Variants in SLC14A2 observed in about 807,000 individuals in gnomAD.
SLC14A2 encodes the protein solute carrier family 14 member 2.
A neutral mutation model predicts 104.6 loss-of-function variants in SLC14A2; 91 were observed. That is an observed-to-expected ratio of 0.87 (90% confidence interval 0.73 to 1.04). SLC14A2 has a LOEUF of 1.04. Among genes scored for constraint, SLC14A2 ranks in the 50% least tolerant of loss-of-function variants. SLC14A2 has a pLI of 0.00. For synonymous variants in SLC14A2, 476 were observed against 466.4 expected, an observed-to-expected ratio of 1.02 and a Z score of -0.27; for missense variants, 1,189 against 1,156.0, an observed-to-expected ratio of 1.03 and a Z score of -0.41.
intron 1 of SLC14A2, among the ~76,000 whole-genome samples, chr18:45,302,142 A>G (rs2084974597): frequency 6.6e-6 from 1 of 152,238 alleles, no homozygotes; most frequent in South Asian, 2.1e-4. Context: ...GGAAGAGGCC[A>G]TGCCTGATGC....
intron 1 of SLC14A2, among the ~76,000 whole-genome samples, chr18:45,424,575 T>C (rs1182856077): frequency 6.6e-6 from 1 of 152,200 alleles, no homozygotes; most frequent in East Asian, 1.9e-4. Flanking sequence ...CAGGCATGAG[T>C]AGGTGGACAC....
chr18:45,454,848 G>C (rs1480059813), intron 1 of SLC14A2, among the ~76,000 whole-genome samples: 4 of 152,132 alleles, frequency 2.6e-5, no homozygotes, highest in African/African-American at 9.7e-5. Flanking sequence ...CCTCTGTTGT[G>C]TTCCATTGGT....
At chr18:45,568,414 T>C (rs1429978125) in intron 2 of SLC14A2, among the ~76,000 whole-genome samples, 1 of 152,244 alleles carries the variant, frequency 6.6e-6, no homozygotes, top group Non-Finnish European at 1.5e-5. Context: ...GCTGTCTAGC[T>C]GGAGGAGTTC....
chr18:45,534,048 A>C (rs2043741894), intron 2 of SLC14A2, among the ~76,000 whole-genome samples: 1 of 152,230 alleles, frequency 6.6e-6, no homozygotes, highest in South Asian at 2.1e-4. Flanking sequence ...GAGCTGTCCC[A>C]GTTCTTAAGC....
At chr18:45,648,513 G>C (rs1158721079) in intron 10 of SLC14A2, among the ~76,000 whole-genome samples, 1 of 152,080 alleles carries the variant, frequency 6.6e-6, no homozygotes, top group Non-Finnish European at 1.5e-5. Flanking sequence ...CCTAGTTAAT[G>C]CTTTTAACCA....
At chr18:45,389,339 T>G (rs1169702528) in intron 1 of SLC14A2, among the ~76,000 whole-genome samples, 1 of 152,274 alleles carries the variant, frequency 6.6e-6, no homozygotes, top group Non-Finnish European at 1.5e-5. Context: ...AGAATCCATC[T>G]ACATCATTTT....
chr18:45,363,334 G>C (rs1290614188), intron 1 of SLC14A2, among the ~76,000 whole-genome samples: 2 of 151,958 alleles, frequency 1.3e-5, no homozygotes, highest in African/African-American at 4.8e-5. Flanking sequence ...TCTAATAATT[G>C]TATCTATGGG....
the SLC14A2 span, among the ~76,000 whole-genome samples, chr18:45,197,150 T>G: frequency 6.6e-6 from 1 of 152,236 alleles, no homozygotes; most frequent in Non-Finnish European, 1.5e-5. Context: ...CAGCCTATTG[T>G]GCATTCCAAC....
chr18:45,679,451 A>T (rs1359333000), intron 19 of SLC14A2, among the ~76,000 whole-genome samples: 1 of 152,218 alleles, frequency 6.6e-6, no homozygotes, highest in African/African-American at 2.4e-5. Context: ...CAACCAGGCG[A>T]GACAGAAGCC....
intron 1 of SLC14A2, among the ~76,000 whole-genome samples, chr18:45,241,639 CTTTTT>C (rs370878349): frequency 8.5e-6 from 1 of 118,042 alleles, no homozygotes; most frequent in Non-Finnish European, 1.7e-5. Context: ...TTTCTTTTCT[CTTTTT>C]TTTTTTTTTT....
the SLC14A2 span, among the ~76,000 whole-genome samples, chr18:45,185,559 A>G: frequency 1.3e-5 from 2 of 152,190 alleles, no homozygotes; most frequent in Non-Finnish European, 2.9e-5. Flanking sequence ...TGAACCATAG[A>G]ATGTTATCTC....
intron 1 of SLC14A2, among the ~76,000 whole-genome samples, chr18:45,315,022 A>G (rs548439154): frequency 6.6e-6 from 1 of 152,318 alleles, no homozygotes; most frequent in Admixed American, 6.5e-5. Flanking sequence ...AGGTTAGTCT[A>G]CAAATGCTGG....
At chr18:45,424,138 T>C (rs565835673) in intron 1 of SLC14A2, 4 of 152,318 alleles carry the variant, frequency 2.6e-5, no homozygotes, top group African/African-American at 4.8e-5. Flanking sequence ...CTAGCTGAAT[T>C]CTGGGAAGAT....
At chr18:45,673,941 C>A in intron 18 of SLC14A2, 124 bp downstream of exon 18, 2 of 988,964 alleles carry the variant, frequency 2.0e-6, no homozygotes, top group Non-Finnish European at 3.0e-6. Context: ...ACTGAATACT[C>A]AACGTTCAGT....
At chr18:45,523,545 C>A (rs943272257) in intron 2 of SLC14A2, among the ~76,000 whole-genome samples, 1 of 148,850 alleles carries the variant, frequency 6.7e-6, no homozygotes, top group African/African-American at 2.5e-5. Flanking sequence ...CCATGTTGGC[C>A]AAGATGGTCT....
intron 1 of SLC14A2, among the ~76,000 whole-genome samples, chr18:45,426,798 G>T (rs1440753599): frequency 6.6e-6 from 1 of 151,694 alleles, no homozygotes; most frequent in Admixed American, 6.6e-5. Flanking sequence ...GAGAAGCAGA[G>T]TATTGTCCCA....
chr18:45,624,031 C>T (rs552641524), intron 1 of SLC14A2, among the ~76,000 whole-genome samples: 6 of 152,180 alleles, frequency 3.9e-5, no homozygotes, highest in African/African-American at 9.6e-5. Flanking sequence ...CCTGGTGGTA[C>T]GGGGACAGGA....
intron 1 of SLC14A2, among the ~76,000 whole-genome samples, chr18:45,261,544 G>A (rs1285453915): frequency 6.6e-6 from 1 of 151,514 alleles, no homozygotes; most frequent in African/African-American, 2.4e-5. Flanking sequence ...ATCTCCTAAT[G>A]CTATCCCTCC....
At chr18:45,241,395 C>T (rs189326447) in intron 1 of SLC14A2, among the ~76,000 whole-genome samples, 5 of 152,108 alleles carry the variant, frequency 3.3e-5, no homozygotes, top group African/African-American at 1.2e-4. Flanking sequence ...ATGCTGAGGG[C>T]CTGAATCAGG....
Sources: allele counts gnomAD v4.1 joint callset (sites outside exome capture counted in the v4.1 genomes callset), GRCh38; gene constraint gnomAD v4.1.1; transcripts MANE v1.5; gene names NCBI Gene and HGNC (gene_info 2026-07-23, HGNC 2026-07-21).